The following CD9 variants were observed in gnomAD, a reference collection of about 807,000 sequenced individuals.
The protein encoded by CD9 is CD9 molecule.
Under a neutral mutation model 31.4 loss-of-function variants are expected in CD9, and 10 were observed. The observed-to-expected ratio is 0.32, with a 90% confidence interval of 0.20 to 0.54. The LOEUF is 0.54. CD9 is among the 20% of genes least tolerant of loss of function. The pLI is 0.94. For synonymous variants in CD9, 113 were observed against 114.1 expected (o/e 0.99, Z 0.06); for missense variants, 259 against 300.1 (o/e 0.86, Z 1.01).
chr12:6,229,954 C>T (rs559329194), intron 2 of CD9, among the ~76,000 whole-genome samples: 3 of 152,148 alleles, frequency 2.0e-5, no homozygotes, highest in African/African-American at 7.2e-5. Context: ...AGACAGCAAG[C>T]TAACATTCGC....
Position 6,232,685 on chromosome 12 carries a change from G to A in CD9, c.229G>A (p.Gly77Ser), listed in dbSNP as rs1478057684. Residue 77 changes from glycine (G) to serine (S), a missense_variant, in exon 3 of 8, where the codon GGC becomes AGC. By Grantham distance (56) the Gly-to-Ser change is moderately conservative. Coordinates refer to ENST00000009180, the MANE Select transcript of CD9 (RefSeq NM_001769.4). The surrounding 1 kb of genome is among the most constrained non-coding windows in gnomAD (Gnocchi z 4.8). ...CCTCATGATGCTGGTGGGCTTCCTGGGCTGCTGCGGGGCTGTGCAGGAGTC... is the reference window on the plus strand; with the variant it reads ...CCTCATGATGCTGGTGGGCTTCCTGAGCTGCTGCGGGGCTGTGCAGGAGTC... The part of the protein sequence containing the change: ...GALMMLVGFL[G>S]CCGAVQESQC... The A allele has an allele frequency of 6.3e-7, 1 of 1,579,668 alleles. No homozygotes were observed. The highest frequency in any genetic ancestry group is 1.8e-5 in the Admixed American group (1 of 56,222).
rs11568198 is a variant in CD9 at position 6,202,595 on chromosome 12, C to G, written c.66+2030C>G. Among the ~76,000 whole-genome samples, 607 of 152,346 alleles carry G rather than the reference C, an allele frequency of 4.0e-3. 6 individuals are homozygous for G. The highest frequency in any genetic ancestry group is 0.014 in the African/African-American group (574 of 41,586). On this transcript the variant is annotated intron_variant, in intron 1 of 7. Transcript: ENST00000009180. The stretch of plus-strand genomic sequence containing the variant: ...CCATGGCATATGCAGGAAGCTGATG[C>G]GAGGCTCACAGGGCCACTGGTATCT...
intron 1 of CD9, among the ~76,000 whole-genome samples, chr12:6,214,221 A>G (rs912851270): frequency 2.0e-5 from 3 of 152,108 alleles, no homozygotes; most frequent in African/African-American, 4.8e-5. Context: ...GAGACTGTAC[A>G]TAAACCACCT....
chr12:6,219,234 G>A (rs1340732253), intron 1 of CD9, among the ~76,000 whole-genome samples: 1 of 152,044 alleles, frequency 6.6e-6, no homozygotes, highest in Admixed American at 6.6e-5. Context: ...TCAAACTCCT[G>A]ACCTCAAGTG....
intron 1 of CD9, among the ~76,000 whole-genome samples, chr12:6,215,669 C>T (rs960534107): frequency 6.6e-6 from 1 of 152,150 alleles, no homozygotes; most frequent in Admixed American, 6.5e-5. Context: ...GAGATGGCCC[C>T]CAGGATGCGC....
chr12:6,229,556 G>T (rs1260459666), intron 2 of CD9, among the ~76,000 whole-genome samples: 2 of 152,148 alleles, frequency 1.3e-5, no homozygotes, highest in African/African-American at 4.8e-5. Context: ...CGGGGCAGAG[G>T]TAGGGCTCCT....
At chr12:6,211,227 G>A (rs968376882) in intron 1 of CD9, among the ~76,000 whole-genome samples, 13 of 152,182 alleles carry the variant, frequency 8.5e-5, no homozygotes, top group African/African-American at 2.7e-4. Context: ...AAACTAAATA[G>A]TTCTGGAGAA....
Position 6,204,461 on chromosome 12 carries a change from G to C in CD9, c.66+3896G>C, listed in dbSNP as rs561512583. 3.3e-5 allele frequency among the ~76,000 whole-genome samples: 5 copies of C among 152,290 alleles called. No individual in the cohort carries two copies. In the East Asian group the frequency reaches 9.7e-4, roughly 29 times the overall value. ...CCAAGGCTTGAGTCCTCAGAACTTA[G>C]CTTTTCTTGGCCTTTACCTCTGGAG... On this transcript the variant is annotated intron_variant, in intron 1 of 7. Coordinates refer to ENST00000009180, the MANE Select transcript of CD9 (RefSeq NM_001769.4).
chr12:6,224,646 G>A (rs1375030886), intron 1 of CD9, among the ~76,000 whole-genome samples: 1 of 152,126 alleles, frequency 6.6e-6, no homozygotes, highest in Non-Finnish European at 1.5e-5. Flanking sequence ...GCGTCCAGCC[G>A]GCTACCACAC....
At chr12:6,228,063 A>G (rs1946392198) in intron 2 of CD9, among the ~76,000 whole-genome samples, 1 of 152,186 alleles carries the variant, frequency 6.6e-6, no homozygotes, top group Non-Finnish European at 1.5e-5. Flanking sequence ...CACAACCCCA[A>G]AGAGACACAG....
At chr12:6,235,734 C>G in intron 6 of CD9, 169 bp downstream of exon 6, 1 of 1,420,388 alleles carries the variant, frequency 7.0e-7, no homozygotes, top group South Asian at 1.6e-5. Flanking sequence ...TCTGTTTACT[C>G]AAGGGCAATA....
intron 1 of CD9, among the ~76,000 whole-genome samples, chr12:6,223,000 C>T (rs1946311396): frequency 6.6e-6 from 1 of 152,172 alleles, no homozygotes; most frequent in Non-Finnish European, 1.5e-5. Flanking sequence ...TAAGCACAAG[C>T]CTAGAGCAAA....
At chr12:6,202,469 G>T (rs1473683243) in intron 1 of CD9, among the ~76,000 whole-genome samples, 1 of 152,260 alleles carries the variant, frequency 6.6e-6, no homozygotes, top group Non-Finnish European at 1.5e-5. Flanking sequence ...CTCCCGGCTG[G>T]TGTGTTGGTT....
At chr12:6,223,593 G>T (rs1041351659) in intron 1 of CD9, among the ~76,000 whole-genome samples, 1 of 152,158 alleles carries the variant, frequency 6.6e-6, no homozygotes, top group African/African-American at 2.4e-5. Context: ...AGGGACCTGG[G>T]GGGGGACCCA....
chr12:6,204,031 C>T (rs1015810844), intron 1 of CD9, among the ~76,000 whole-genome samples: 9 of 133,614 alleles, frequency 6.7e-5, no homozygotes, highest in Non-Finnish European at 1.5e-4. Context: ...CTAGGGGAGG[C>T]TGGTGCGAAA....
intron 1 of CD9, among the ~76,000 whole-genome samples, chr12:6,212,504 G>T (rs1192926065): frequency 1.3e-5 from 2 of 152,214 alleles, no homozygotes; most frequent in African/African-American, 4.8e-5. Context: ...TAGCAAGGTG[G>T]TGGCACCCCC....
chr12:6,213,455 A>G (rs1382660533), intron 1 of CD9, among the ~76,000 whole-genome samples: 3 of 152,264 alleles, frequency 2.0e-5, no homozygotes, highest in Non-Finnish European at 4.4e-5. Context: ...AGCGCCTGTA[A>G]GAATGCCCCA....
chr12:6,214,463 C>T (rs932418805), intron 1 of CD9, among the ~76,000 whole-genome samples: 4 of 147,306 alleles, frequency 2.7e-5, no homozygotes, highest in Admixed American at 2.1e-4. Context: ...CCTCCTTCCT[C>T]AGCCCCCCAA....
chr12:6,232,505 C>T lies in CD9; in HGVS notation c.176-127C>T, dbSNP rs1452459214. ...TATTTTAAGGAAAGGGAACTTCTTCCCTGAGATGAGGGGAATAAGGAGGTG... is the reference window on the plus strand; with the variant it reads ...TATTTTAAGGAAAGGGAACTTCTTCTCTGAGATGAGGGGAATAAGGAGGTG... On this transcript the variant is annotated intron_variant, in intron 2 of 7. Transcript: ENST00000009180. This position sits in a 1 kb window ranked among gnomAD's most constrained non-coding sequence, Gnocchi z 4.8. 1.4e-6 allele frequency: 1 copy of T among 698,828 alleles called. No homozygotes were observed. The highest frequency in any genetic ancestry group is 1.8e-5 in the African/African-American group (1 of 56,694). 43.3% of individuals were successfully genotyped at this position (698,828 alleles called of 1,614,324 possible). A position where few individuals can be genotyped will look rare whatever the true frequency, so the allele number is the denominator to read the frequency against.
Sources: gnomAD v4.1 joint callset for allele counts (sites outside exome capture counted in the v4.1 genomes callset) on GRCh38, gnomAD v4.1.1 for gene constraint, Gnocchi (gnomAD v3.1) non-coding constraint, MANE v1.5 for transcripts, NCBI Gene and HGNC (gene_info 2026-07-23, HGNC 2026-07-21) for gene names.